Variants in CRAT observed in about 807,000 individuals in gnomAD.
The protein encoded by CRAT is carnitine acetylase.
In CRAT, 66 loss-of-function variants were observed where a neutral mutation model predicts 73.7. The observed-to-expected ratio is 0.90, with a 90% CI of 0.73 to 1.10. CRAT has a LOEUF of 1.10. CRAT is among the 50% of genes least tolerant of loss of function. The pLI, the probability that CRAT is intolerant of heterozygous loss-of-function variation, is 0.00. For missense variants in CRAT, 745 were observed against 846.9 expected (o/e 0.88, Z 1.49); for synonymous variants, 321 against 343.2 (o/e 0.94, Z 0.71).
At chr9:129,100,309 C>T (rs574957905) in intron 7 of CRAT, 3 of 641,250 alleles carry the variant, frequency 4.7e-6, no homozygotes, top group Middle Eastern at 4.2e-4. Flanking sequence ...CTGGGGGTGA[C>T]AGCGGTTTCC....
rs1180137919 is a variant in CRAT, at chr9:129,100,289, AG to A, written c.984+221del. On this transcript the variant is annotated intron_variant, in intron 7 of 13. Transcript: ENST00000318080. ...ATCCCAGGTTCTCTGTGAGGTGCTG[AG>A]GGGGTGTGCTGGGGGTGACAGCGGT... 5 of 606,196 alleles carry A rather than the reference AG, an allele frequency of 8.2e-6. No individual in the cohort carries two copies. The Admixed American group carries it at 9.2e-5, about 11-fold the overall frequency. 37.6% of individuals were successfully genotyped at this position (606,196 alleles called of 1,614,324 possible). A position where few individuals can be genotyped will look rare whatever the true frequency, so the allele number is the denominator to read the frequency against.
Position 129,100,501 on chromosome 9 carries a change from C to T in CRAT, c.984+10G>A, listed in dbSNP as rs776549921. ...TGTGTGTGAGTGGGCGAAGCCCTGC[C>T]GGGCCTCACCTGCAGCGTCTTGTCG... On this transcript the variant is annotated intron_variant, in intron 7 of 13. Coordinates refer to ENST00000318080, the MANE Select transcript of CRAT (RefSeq NM_000755.5). The T allele has an allele frequency of 6.8e-6, 11 of 1,609,292 alleles. No individual in the cohort carries two copies. In the African/African-American group the frequency reaches 9.3e-5, roughly 14 times the overall value.
In CRAT at chr9:129,095,700, A is replaced by T. The variant is rs1461497085; in HGVS notation, c.1666-88T>A. ...CTGCCTGTGCTTCCGCCAAGACTGCAGGCCCCTTGTGGGCAGGGATCATGG... is the reference window on the plus strand; with the variant it reads ...CTGCCTGTGCTTCCGCCAAGACTGCTGGCCCCTTGTGGGCAGGGATCATGG... On this transcript the variant is annotated intron_variant, in intron 13 of 13. Transcript: ENST00000318080. The T allele has an allele frequency of 3.7e-6, 5 of 1,354,816 alleles. No homozygotes were observed. The African/African-American group carries it at 7.2e-5, about 20-fold the overall frequency. The allele number at this position is 1,354,816 out of a possible 1,614,324, so 83.9% of individuals were successfully genotyped here.
Position 129,103,067 on chromosome 9 carries a change from C to T in CRAT, c.411-1G>A. 2 of 1,614,022 alleles carry T rather than the reference C, an allele frequency of 1.2e-6. No homozygotes were observed. Among genetic ancestry groups the T allele is most frequent in the Non-Finnish European group, 1.7e-6 (2 of 1,179,888 alleles). On this transcript the variant is annotated splice_acceptor_variant, in intron 3 of 13. Transcript: ENST00000318080. LOFTEE classifies it high-confidence loss of function. The surrounding 1 kb of genome is among the most constrained non-coding windows in gnomAD (Gnocchi z 4.6). Reference sequence around the variant, plus strand: ...ACCCTCAATGAGTTTGGCAGCAAATCTGGAAAGATTGATTAGAGATTAGAA... The same window carrying T: ...ACCCTCAATGAGTTTGGCAGCAAATTTGGAAAGATTGATTAGAGATTAGAA...
chr9:129,098,774 T>G, intron 8 of CRAT, 124 bp from the exon 9 acceptor site: 1 of 1,219,902 alleles, frequency 8.2e-7, no homozygotes, highest in Non-Finnish European at 1.1e-6. Flanking sequence ...GGTGTGAGTT[T>G]GTTCTGAAAA....
At chr9:129,109,285 T>C in intron 1 of CRAT, 1 of 1,303,842 alleles carries the variant, frequency 7.7e-7, no homozygotes, top group Non-Finnish European at 1.0e-6. Context: ...GTCCTGAAAT[T>C]AGGGTTGGTG....
Position 129,107,654 on chromosome 9 carries a change from T to C in CRAT, c.291+160A>G, listed in dbSNP as rs1410889586. ...GTTAGCTCCAAGGAGCTGGTGACTG[T>C]GTCCTTCTTGATCACCCAGCACCCT... is the stretch of plus-strand genomic sequence containing the variant. On this transcript the variant is annotated intron_variant, in intron 2 of 13. Transcript: ENST00000318080. The surrounding 1 kb of genome is among the most constrained non-coding windows in gnomAD (Gnocchi z 5.0). 2 of 946,610 alleles carry C rather than the reference T, an allele frequency of 2.1e-6. No individual in the cohort carries two copies. The highest frequency in any genetic ancestry group is 2.8e-5 in the South Asian group (2 of 72,526). 58.6% of individuals were successfully genotyped at this position (946,610 alleles called of 1,614,324 possible).
Position 129,100,707 on chromosome 9 carries a change from C to T in CRAT, c.806-18G>A, listed in dbSNP as rs369041448. On this transcript the variant is annotated intron_variant, in intron 6 of 13. Transcript: ENST00000318080. Reference sequence around the variant, plus strand: ...CACCTTGTCTGCAGGTGGCATGGGGCGGGGAGACGCAAAATGGGGTCTCAT... The same window carrying T: ...CACCTTGTCTGCAGGTGGCATGGGGTGGGGAGACGCAAAATGGGGTCTCAT... 2.6e-5 allele frequency: 42 copies of T among 1,606,664 alleles called. No homozygotes were observed. In the Middle Eastern group the frequency reaches 5.0e-4, roughly 19 times the overall value.
Position 129,098,662 on chromosome 9 carries a change from A to T in CRAT, c.1086-12T>A, listed in dbSNP as rs1166394112. ...GCTCGGGTTTCTTCCTGCACAGTAA[A>T]CGGGGCCTCAGGCTCATGCTGGTGC... On this transcript the variant is annotated splice_polypyrimidine_tract_variant and intron_variant, in intron 8 of 13. Transcript: ENST00000318080. 1 of 1,595,170 alleles carries T rather than the reference A, an allele frequency of 6.3e-7. No homozygotes were observed. The highest frequency in any genetic ancestry group is 1.4e-5 in the African/African-American group (1 of 73,202).
chr9:129,103,130 A>AC lies in CRAT; in HGVS notation c.411-65dup. 7.1e-7 allele frequency: 1 copy of AC among 1,402,624 alleles called. No individual in the cohort carries two copies. The highest frequency in any genetic ancestry group is 1.0e-6 in the Non-Finnish European group (1 of 990,426). 86.9% of individuals were successfully genotyped at this position (1,402,624 alleles called of 1,614,324 possible). On this transcript the variant is annotated intron_variant, in intron 3 of 13. Coordinates refer to ENST00000318080, the MANE Select transcript of CRAT (RefSeq NM_000755.5). This position sits in a 1 kb window ranked among gnomAD's most constrained non-coding sequence, Gnocchi z 4.6. Reference sequence around the variant, plus strand: ...CCCTGAGGGAGGCCCCGGGCTAGGGACACCTGCTTGGGGAGCGGGAGGTCT... The same window carrying AC: ...CCCTGAGGGAGGCCCCGGGCTAGGGACCACCTGCTTGGGGAGCGGGAGGTCT...
rs1426260061 is a variant in CRAT at position 129,095,041 on chromosome 9, G to A, written c.*356C>T. 3 of 311,922 alleles carry A rather than the reference G, an allele frequency of 9.6e-6. No individual in the cohort carries two copies. Among genetic ancestry groups the A allele is most frequent in the Non-Finnish European group, 1.8e-5 (3 of 163,514 alleles). 19.3% of individuals were successfully genotyped at this position (311,922 alleles called of 1,614,324 possible). Reference sequence around the variant, plus strand: ...CCTGGTCATGGAGTTGGCAGGGAGTGGCCGGGGCTGAGCTGGTGAGACAAA... The same window carrying A: ...CCTGGTCATGGAGTTGGCAGGGAGTAGCCGGGGCTGAGCTGGTGAGACAAA... On this transcript the variant is annotated 3_prime_UTR_variant, in exon 14 of 14. Transcript: ENST00000318080.
At chr9:129,104,656 G>C (rs1346484095) in intron 2 of CRAT, among the ~76,000 whole-genome samples, 1 of 151,642 alleles carries the variant, frequency 6.6e-6, no homozygotes, top group African/African-American at 2.4e-5. Context: ...GCAGGCTGGA[G>C]TGCAGTGGCG....
At chr9:129,102,921 G>T in intron 4 of CRAT, 92 bp downstream of exon 4, 1 of 1,219,432 alleles carries the variant, frequency 8.2e-7, no homozygotes, top group Non-Finnish European at 1.2e-6. Context: ...GGCCCAAGCT[G>T]GCATGCCGGG....
rs750837590 is a variant in CRAT, at chr9:129,103,097, C to T, written c.411-31G>A. On this transcript the variant is annotated intron_variant, in intron 3 of 13. Transcript: ENST00000318080. The surrounding 1 kb of genome is among the most constrained non-coding windows in gnomAD (Gnocchi z 4.6). ...AAGATTGATTAGAGATTAGAAGCTGCGTGGACACCCTGAGGGAGGCCCCGG... is the reference window on the plus strand; with the variant it reads ...AAGATTGATTAGAGATTAGAAGCTGTGTGGACACCCTGAGGGAGGCCCCGG... 1.4e-5 allele frequency: 23 copies of T among 1,604,192 alleles called. No individual in the cohort carries two copies. Among genetic ancestry groups the T allele is most frequent in the Admixed American group, 5.0e-5 (3 of 59,986 alleles).
Position 129,107,936 on chromosome 9 carries a change from T to A in CRAT, c.169A>T (p.Ile57Phe). Residue 57 changes from isoleucine to phenylalanine, a missense_variant, in exon 2 of 14, where the codon ATC becomes TTC. Ile to Phe is a conservative substitution (Grantham distance 21). Transcript: ENST00000318080. This position sits in a 1 kb window ranked among gnomAD's most constrained non-coding sequence, Gnocchi z 5.0. ...LDHYLKALQP[I>F]VSEEEWAHTK... is the part of the protein sequence containing the mutation. ...TGGGCCCACTCCTCCTCACTCACGA[T>A]GGGCTGCAGCGCCTTCAGGTAGTGG... 1 of 1,609,884 alleles carries A rather than the reference T, an allele frequency of 6.2e-7. No individual in the cohort carries two copies. The highest frequency in any genetic ancestry group is 8.5e-7 in the Non-Finnish European group (1 of 1,179,762).
chr9:129,098,087 G>T lies in CRAT; in HGVS notation c.1390C>A (p.Arg464Ser). Residue 464 changes from arginine (R) to serine (S), a missense_variant, in exon 11 of 14, where the codon CGC becomes AGC. Physicochemically the swap from Arg to Ser is moderately radical, Grantham distance 110. Transcript: ENST00000318080. ...SASLRMFHLG[R>S]TDTIRSASMD... ...GAAGCCGAGCGGATGGTGTCGGTGC[G>T]GCCCAGGTGAAACATGCGCAGGGAG... 1 of 1,614,048 alleles carries T rather than the reference G, an allele frequency of 6.2e-7. No individual in the cohort carries two copies. Among genetic ancestry groups the T allele is most frequent in the Non-Finnish European group, 8.5e-7 (1 of 1,180,036 alleles).
intron 11 of CRAT, chr9:129,097,790 G>A (rs1847375926): frequency 1.6e-6 from 1 of 608,808 alleles, no homozygotes; most frequent in Non-Finnish European, 2.8e-6. Context: ...TAGGGCAGTT[G>A]CTTACTGCCA....
chr9:129,104,097 G>T, intron 3 of CRAT, 91 bp downstream of exon 3: 1 of 781,684 alleles, frequency 1.3e-6, no homozygotes, highest in Non-Finnish European at 2.1e-6. Context: ...GGGGCAGAAA[G>T]ATAAACAGGG....
rs915799076 is a variant in CRAT, at chr9:129,107,835, C to T, written c.270G>A (p.Arg90=). The T allele has an allele frequency of 1.2e-6, 2 of 1,612,966 alleles. No homozygotes were observed. ...GERLQKGLER[R]ARKTENWLSE... is the part of the protein sequence containing the mutation. ...TCACCCAGTTCTCCGTCTTCCTGGC[C>T]CGACGCTCCAGCCCCTTCTGCAGGC... The change falls in exon 2 of 14, where the codon CGG becomes CGA. Residue 90 remains arginine, a synonymous_variant. Transcript: ENST00000318080. This position sits in a 1 kb window ranked among gnomAD's most constrained non-coding sequence, Gnocchi z 5.0.
Sources: allele counts gnomAD v4.1 joint callset (sites outside exome capture counted in the v4.1 genomes callset), GRCh38; gene constraint gnomAD v4.1.1; non-coding constraint Gnocchi (gnomAD v3.1); transcripts MANE v1.5; gene names NCBI Gene and HGNC (gene_info 2026-07-23, HGNC 2026-07-21).